Variants in ZKSCAN8 observed in about 807,000 individuals in gnomAD.
ZKSCAN8 encodes zinc finger protein with KRAB and SCAN domains 8.
In ZKSCAN8, 27 loss-of-function variants were observed where a neutral mutation model predicts 57.2. That is an observed-to-expected ratio of 0.47 (90% CI 0.35 to 0.65). The LOEUF (loss-of-function observed/expected upper bound fraction) is 0.65. Among genes scored for constraint, ZKSCAN8 ranks in the 30% least tolerant of loss-of-function variants. The pLI is 0.01. For synonymous variants in ZKSCAN8, 214 were observed against 248.7 expected, an observed-to-expected ratio of 0.86 and a Z score of 1.31; for missense variants, 597 against 696.3, an observed-to-expected ratio of 0.86 and a Z score of 1.60.
At chr6:28,152,051 C>G (rs1326812667) in intron 4 of ZKSCAN8, 115 bp downstream of exon 4, 23 of 1,402,068 alleles carry the variant, frequency 1.6e-5, no homozygotes, top group Admixed American at 2.2e-5. Flanking sequence ...AAAGTTGTCC[C>G]AAAAATTCTT....
At chr6:28,143,442 A>G (rs1042119135) in intron 1 of ZKSCAN8, among the ~76,000 whole-genome samples, 2 of 152,216 alleles carry the variant, frequency 1.3e-5, no homozygotes, top group African/African-American at 4.8e-5. Flanking sequence ...TACCACATCA[A>G]CAATATAAAG....
At chr6:28,152,419 A>AT (rs1271989379) in intron 5 of ZKSCAN8, 35 bp downstream of exon 5, 1 of 1,571,310 alleles carries the variant, frequency 6.4e-7, no homozygotes, top group Non-Finnish European at 8.6e-7. Context: ...GTCATTTTAG[A>AT]TTTTTTGTTT....
chr6:28,145,012 G>A lies in ZKSCAN8; in HGVS notation c.-93+2983G>A, dbSNP rs185598639. On this transcript the variant is annotated intron_variant, in intron 1 of 5. Coordinates refer to ENST00000330236, the MANE Select transcript of ZKSCAN8 (RefSeq NM_006298.4). ...GCGGAGGTTGCAGTGAGCCGAGTTC[G>A]CGCCACTGCACTCCAGCCTGGGCGA... Among the ~76,000 whole-genome samples the A allele has an allele frequency of 1.1e-3, 174 of 152,148 alleles. 2 individuals are homozygous for A. The highest frequency in any genetic ancestry group is 4.0e-3 in the African/African-American group (165 of 41,508).
intron 3 of ZKSCAN8, among the ~76,000 whole-genome samples, chr6:28,151,396 TTAA>T (rs1765584607): frequency 6.6e-6 from 1 of 152,206 alleles, no homozygotes; most frequent in Non-Finnish European, 1.5e-5. Context: ...AATCTATATT[TTAA>T]TAATAAGCCG....
chr6:28,150,650 T>C (rs1256397848), intron 3 of ZKSCAN8, among the ~76,000 whole-genome samples: 1 of 152,216 alleles, frequency 6.6e-6, no homozygotes. Flanking sequence ...ATTACTAGAA[T>C]GGTTATGAAA....
Position 28,153,302 on chromosome 6 carries a change from G to A in ZKSCAN8, c.1022G>A (p.Trp341Ter), listed in dbSNP as rs1385934589. The A allele has an allele frequency of 6.2e-7, 1 of 1,614,170 alleles. No homozygotes were observed. The highest frequency in any genetic ancestry group is 8.5e-7 in the Non-Finnish European group (1 of 1,180,026). Residue 341 changes from tryptophan (W) to a stop codon, truncating the protein, a stop_gained, in exon 6 of 6, where the codon TGG becomes TAG. Transcript: ENST00000330236. LOFTEE classifies it high-confidence loss of function. ...CAGAGCTCAGGCCTTGTTCGCCACTGGAGAATCCACACTGGGGAGAAACCC... is the reference window on the plus strand; with the variant it reads ...CAGAGCTCAGGCCTTGTTCGCCACTAGAGAATCCACACTGGGGAGAAACCC... The part of the protein sequence containing the change: ...FAQSSGLVRH[W>*]RIHTGEKPYQ...
Position 28,155,729 on chromosome 6 carries a change from CT to C in ZKSCAN8, c.*1714del, listed in dbSNP as rs1274408722. ...ATGGGCCAAAAAAAGCAATCAAAGT[CT>C]TACGTCATAGAGGACCACCTTTTGG... On this transcript the variant is annotated 3_prime_UTR_variant, in exon 6 of 6. Transcript: ENST00000330236. 2.5e-5 allele frequency: 4 copies of C among 158,940 alleles called. No homozygotes were observed. The highest frequency in any genetic ancestry group is 5.5e-5 in the Non-Finnish European group (4 of 72,828). 9.8% of individuals were successfully genotyped at this position (158,940 alleles called of 1,614,324 possible). A position where few individuals can be genotyped will look rare whatever the true frequency, so the allele number is the denominator to read the frequency against.
intron 3 of ZKSCAN8, among the ~76,000 whole-genome samples, chr6:28,151,628 T>C (rs1278543251): frequency 6.6e-6 from 1 of 152,204 alleles, no homozygotes; most frequent in African/African-American, 2.4e-5. Flanking sequence ...TATTTTTGAG[T>C]GTAACTTCAG....
At chr6:28,145,266 A>C (rs1765353822) in intron 1 of ZKSCAN8, among the ~76,000 whole-genome samples, 1 of 152,118 alleles carries the variant, frequency 6.6e-6, no homozygotes, top group Non-Finnish European at 1.5e-5. Context: ...GGTCCCTGGG[A>C]TGGGGGTAAG....
Position 28,158,280 on chromosome 6 carries a change from CCTGT to C in ZKSCAN8, c.*4266_*4269del, listed in dbSNP as rs1401072103. On this transcript the variant is annotated 3_prime_UTR_variant, in exon 6 of 6. Coordinates refer to ENST00000330236, the MANE Select transcript of ZKSCAN8 (RefSeq NM_006298.4). ...CCTCTTCTCCACTGAGAATAATCTC[CCTGT>C]CTTTTATTCACTTCATTTTCTATAC... 6.6e-6 allele frequency: 1 copy of C among 151,892 alleles called. No individual in the cohort carries two copies. The highest frequency in any genetic ancestry group is 2.4e-5 in the African/African-American group (1 of 41,330). 9.4% of individuals were successfully genotyped at this position (151,892 alleles called of 1,614,324 possible).
chr6:28,151,294 T>C (rs1191162614), intron 3 of ZKSCAN8, among the ~76,000 whole-genome samples: 2 of 152,318 alleles, frequency 1.3e-5, no homozygotes, highest in African/African-American at 4.8e-5. Flanking sequence ...TAGAGTAGTT[T>C]ATAAATATGA....
chr6:28,153,484 G>A lies in ZKSCAN8; in HGVS notation c.1204G>A (p.Gly402Arg), dbSNP rs775993647. Residue 402 changes from glycine (G) to arginine (R), a missense_variant, in exon 6 of 6, where the codon GGG becomes AGG. By Grantham distance (125) the Gly-to-Arg change is moderately radical (BLOSUM62 -2). Transcript: ENST00000330236. The part of the protein sequence containing the change: ...GLILHQRIHT[G>R]EKPYQCNQCG... ...GATTCTGCACCAGAGAATCCACACT[G>A]GGGAGAAGCCATATCAGTGCAATCA... is the stretch of plus-strand genomic sequence containing the variant. The A allele has an allele frequency of 6.2e-7, 1 of 1,612,480 alleles. No homozygotes were observed. Among genetic ancestry groups the A allele is most frequent in the Non-Finnish European group, 8.5e-7 (1 of 1,178,542 alleles).
In ZKSCAN8 at chr6:28,156,186, C is replaced by T. The variant is rs1765776670; in HGVS notation, c.*2169C>T. The T allele has an allele frequency of 2.5e-6, 1 of 398,302 alleles. No individual in the cohort carries two copies. 24.7% of individuals were successfully genotyped at this position (398,302 alleles called of 1,614,324 possible). A position where few individuals can be genotyped will look rare whatever the true frequency, so the allele number is the denominator to read the frequency against. On this transcript the variant is annotated 3_prime_UTR_variant, in exon 6 of 6. Transcript: ENST00000330236. ...ACACATGTGTATGTACACACACACA[C>T]ACACCTGCCATACACTTTAGAAGAA...
rs749982151 is a variant in ZKSCAN8, at chr6:28,148,576, T to C, written c.169T>C (p.Leu57=). The C allele has an allele frequency of 6.2e-7, 1 of 1,614,126 alleles. No homozygotes were observed. Among genetic ancestry groups the C allele is most frequent in the Admixed American group, 1.7e-5 (1 of 60,026 alleles). ...AGTGTTCCGCCTGCGCTTCAGGCAG[T>C]TACGCTACCAGGAGACACTAGGACC... is the stretch of plus-strand genomic sequence containing the variant. The part of the protein sequence containing the change: ...QEVFRLRFRQ[L]RYQETLGPRE... Residue 57 remains leucine, a synonymous_variant, in exon 2 of 6, where the codon TTA becomes CTA. Coordinates refer to ENST00000330236, the MANE Select transcript of ZKSCAN8 (RefSeq NM_006298.4).
chr6:28,145,572 G>C lies in ZKSCAN8; in HGVS notation c.-92-2744G>C, dbSNP rs1765367181. On this transcript the variant is annotated intron_variant, in intron 1 of 5. Coordinates refer to ENST00000330236, the MANE Select transcript of ZKSCAN8 (RefSeq NM_006298.4). ...GTATCATAAACCTGGTAGTTTAATA[G>C]AATAGACACTTACTGTCTCATAATT... Among the ~76,000 whole-genome samples, 4 of 152,058 alleles carry C rather than the reference G, an allele frequency of 2.6e-5. No individual in the cohort carries two copies. The South Asian group carries it at 8.3e-4, about 31-fold the overall frequency.
Position 28,154,909 on chromosome 6 carries a change from A to G in ZKSCAN8, c.*892A>G, listed in dbSNP as rs554077033. The G allele has an allele frequency of 6.5e-6, 1 of 152,750 alleles. No individual in the cohort carries two copies. The highest frequency in any genetic ancestry group is 2.4e-5 in the African/African-American group (1 of 41,564). 9.5% of individuals were successfully genotyped at this position (152,750 alleles called of 1,614,324 possible). On this transcript the variant is annotated 3_prime_UTR_variant, in exon 6 of 6. Transcript: ENST00000330236. ...ACAGATAGTTGGCACTATCCTAGTT[A>G]TGGCATCAGGTAGGAGAAGGAGACG...
Position 28,148,753 on chromosome 6 carries a change from C to T in ZKSCAN8, c.346C>T (p.Leu116=), listed in dbSNP as rs1048320. The part of the protein sequence containing the change: ...ELQTLVKEHQ[L]ENGEEVVTLL... Reference sequence around the variant, plus strand: ...CCAGACACTGGTTAAGGAACATCAGCTAGAGAACGGAGAGGAGGTGGTGAC... The same window carrying T: ...CCAGACACTGGTTAAGGAACATCAGTTAGAGAACGGAGAGGAGGTGGTGAC... Residue 116 remains leucine, a synonymous_variant, in exon 2 of 6, where the codon CTA becomes TTA. Transcript: ENST00000330236. The T allele has an allele frequency of 5.0e-6, 8 of 1,614,128 alleles. No homozygotes were observed. The highest frequency in any genetic ancestry group is 6.8e-6 in the Non-Finnish European group (8 of 1,180,016).
intron 3 of ZKSCAN8, among the ~76,000 whole-genome samples, chr6:28,151,079 T>G (rs1000727827): frequency 6.6e-6 from 1 of 152,216 alleles, no homozygotes; most frequent in African/African-American, 2.4e-5. Context: ...GTGCTGGGAT[T>G]ACAGCCATGA....
chr6:28,152,272 G>C lies in ZKSCAN8; in HGVS notation c.663G>C (p.Lys221Asn). ...LLTAGFQTLEKIEDMAVSLIR... is the reference protein window; with the variant it reads ...LLTAGFQTLENIEDMAVSLIR... ...TTGTTTTGTTTCAGACTTTGGAGAA[G>C]ATTGAAGACATGGCTGTGTCCCTTA... Residue 221 changes from lysine (K) to asparagine (N), a missense_variant, in exon 5 of 6, where the codon AAG becomes AAC. Coordinates refer to ENST00000330236, the MANE Select transcript of ZKSCAN8 (RefSeq NM_006298.4). The C allele has an allele frequency of 6.2e-7, 1 of 1,610,732 alleles. No individual in the cohort carries two copies. Among genetic ancestry groups the C allele is most frequent in the South Asian group, 1.1e-5 (1 of 90,466 alleles).
Sources: gnomAD v4.1 joint callset for allele counts (sites outside exome capture counted in the v4.1 genomes callset) on GRCh38, gnomAD v4.1.1 for gene constraint, MANE v1.5 for transcripts, NCBI Gene and HGNC (gene_info 2026-07-23, HGNC 2026-07-21) for gene names.